Variants in ADAMTS20 observed in about 807,000 individuals in gnomAD.
ADAMTS20 encodes the protein ADAM metallopeptidase with thrombospondin type 1 motif 20.
ADAMTS20 carries 225 observed loss-of-function variants against 260.1 expected under a neutral mutation model. That is an observed-to-expected ratio of 0.87 (90% confidence interval 0.78 to 0.97). The LOEUF (loss-of-function observed/expected upper bound fraction) is 0.97. Ranked by LOEUF, ADAMTS20 falls within the 50% of genes least tolerant of loss-of-function variation. The pLI, the probability that ADAMTS20 is intolerant of heterozygous loss-of-function variation, is 0.00. For missense variants in ADAMTS20, 2,400 were observed against 2,337.7 expected (o/e 1.03, Z -0.55); for synonymous variants, 802 against 769.5 (o/e 1.04, Z -0.70).
At chr12:43,429,756 A>T (rs1592064152) in intron 23 of ADAMTS20, 32 bp from the exon 24 acceptor site, 4 of 1,366,194 alleles carry the variant, frequency 2.9e-6, no homozygotes, top group Admixed American at 2.4e-5. Flanking sequence ...CTCGTAAAAC[A>T]TTAATTAATG....
At chr12:43,514,007 A>T (rs559749029) in intron 3 of ADAMTS20, among the ~76,000 whole-genome samples, 1 of 150,246 alleles carries the variant, frequency 6.7e-6, no homozygotes, top group South Asian at 2.1e-4. Flanking sequence ...ACATGTATAC[A>T]TATGTAACTA....
intron 11 of ADAMTS20, among the ~76,000 whole-genome samples, chr12:43,459,091 T>C (rs535525479): frequency 5.3e-4 from 81 of 152,224 alleles, no homozygotes; most frequent in African/African-American, 1.9e-3. Flanking sequence ...GGGAGCTCTG[T>C]TTTCACTCTA....
Position 43,434,265 on chromosome 12 carries a change from G to A in ADAMTS20, c.2700C>T (p.Cys900=). ...LPLPSFVTQS[C]NTDCELRWHV... ...TTTACCTTAGTTCACAGTCTGTATT[G>A]CAACTTTGAGTAACAAATGATGGAA... Residue 900 remains cysteine, a synonymous_variant, in exon 19 of 39, where the codon TGC becomes TGT. Transcript: ENST00000389420. The A allele has an allele frequency of 2.5e-6, 4 of 1,584,804 alleles. No individual in the cohort carries two copies. Among genetic ancestry groups the A allele is most frequent in the Non-Finnish European group, 3.4e-6 (4 of 1,163,596 alleles).
chr12:43,435,641 T>TAAAAAAAAA (rs35112845), intron 18 of ADAMTS20, among the ~76,000 whole-genome samples: 2 of 84,666 alleles, frequency 2.4e-5, no homozygotes, highest in African/African-American at 4.7e-5. Context: ...ACTCCATTTC[T>TAAAAAAAAA]AAAAAAAAAA....
At chr12:43,360,748 T>A (rs1019875592) in intron 37 of ADAMTS20, among the ~76,000 whole-genome samples, 1 of 152,100 alleles carries the variant, frequency 6.6e-6, no homozygotes, top group South Asian at 2.1e-4. Context: ...ACAAGAGAGA[T>A]CACATGAACA....
chr12:43,475,190 C>G (rs1942330646), intron 7 of ADAMTS20, among the ~76,000 whole-genome samples: 1 of 63,618 alleles, frequency 1.6e-5, no homozygotes, highest in African/African-American at 5.5e-5. Context: ...TTCTTATACA[C>G]CAACAACAGA....
chr12:43,548,893 C>T (rs937649808), intron 2 of ADAMTS20, among the ~76,000 whole-genome samples: 1 of 151,968 alleles, frequency 6.6e-6, no homozygotes, highest in East Asian at 1.9e-4. Context: ...TCAACTACTT[C>T]TGATAATATC....
intron 8 of ADAMTS20, among the ~76,000 whole-genome samples, chr12:43,467,854 A>G (rs934540750): frequency 5.9e-5 from 9 of 152,158 alleles, no homozygotes; most frequent in Non-Finnish European, 1.2e-4. Context: ...AGGCATGACT[A>G]GGAAATTAAA....
chr12:43,544,744 T>C (rs1489008870), intron 2 of ADAMTS20, among the ~76,000 whole-genome samples: 1 of 152,234 alleles, frequency 6.6e-6, no homozygotes, highest in Non-Finnish European at 1.5e-5. Flanking sequence ...ATAATTACCT[T>C]TCTTGCCACT....
chr12:43,413,040 ACCT>A (rs1941063231), intron 28 of ADAMTS20, among the ~76,000 whole-genome samples: 1 of 151,958 alleles, frequency 6.6e-6, no homozygotes, highest in Admixed American at 6.5e-5. Context: ...CGATCTTCTG[ACCT>A]CGTGATCTGC....
At chr12:43,404,806 T>C (rs943108922) in intron 28 of ADAMTS20, among the ~76,000 whole-genome samples, 2 of 152,140 alleles carry the variant, frequency 1.3e-5, no homozygotes, top group African/African-American at 2.4e-5. Flanking sequence ...TAGTGACTAC[T>C]AAGATAAAGT....
In ADAMTS20 at chr12:43,452,156, T is replaced by A. The variant is rs554160219; in HGVS notation, c.2079+118A>T. On this transcript the variant is annotated intron_variant, in intron 14 of 38. Coordinates refer to ENST00000389420, the MANE Select transcript of ADAMTS20 (RefSeq NM_025003.5). ...TAGCATGATAACAAAGGTTGCTTTG[T>A]TGGAATGCATAAGAACATATGCTGA... is the stretch of plus-strand genomic sequence containing the variant. 7 of 1,092,008 alleles carry A rather than the reference T, an allele frequency of 6.4e-6. No homozygotes were observed. The African/African-American group carries it at 1.1e-4, about 17-fold the overall frequency. 67.6% of individuals were successfully genotyped at this position (1,092,008 alleles called of 1,614,324 possible).
At position 43,453,926 on chromosome 12, in the gene ADAMTS20, T is replaced by C. The variant is rs1012812730; in HGVS notation, c.1741A>G (p.Arg581Gly). Residue 581 changes from arginine to glycine, a missense_variant, in exon 12 of 39, where the codon AGG becomes GGG. By Grantham distance (125) the Arg-to-Gly change is moderately radical. Coordinates refer to ENST00000389420, the MANE Select transcript of ADAMTS20 (RefSeq NM_025003.5). ...TCGGGIESAT[R>G]RCNRPEPRNG... ...ACATACTCAGGACGATTACAGCGCC[T>C]GGTTGCACTTTCGATTCCGCCTCCA... 1.9e-6 allele frequency: 3 copies of C among 1,607,900 alleles called. No individual in the cohort carries two copies. The Admixed American group carries it at 5.1e-5, about 27-fold the overall frequency.
intron 37 of ADAMTS20, among the ~76,000 whole-genome samples, chr12:43,363,086 G>T (rs1939908616): frequency 6.6e-6 from 1 of 151,964 alleles, no homozygotes. Flanking sequence ...AGAACCTGTG[G>T]CATCTGAACC....
chr12:43,482,604 C>T (rs1432911365), intron 7 of ADAMTS20, among the ~76,000 whole-genome samples: 1 of 152,186 alleles, frequency 6.6e-6, no homozygotes, highest in Non-Finnish European at 1.5e-5. Flanking sequence ...CTGCTTCCCA[C>T]TGGGGCTGCT....
intron 28 of ADAMTS20, among the ~76,000 whole-genome samples, chr12:43,414,540 A>G (rs572157413): frequency 4.6e-5 from 7 of 152,282 alleles, no homozygotes; most frequent in African/African-American, 1.4e-4. Context: ...AAAAGTGGAC[A>G]AAAGACTTCC....
chr12:43,502,518 T>A, intron 3 of ADAMTS20, 113 bp from the exon 4 acceptor site: 1 of 964,344 alleles, frequency 1.0e-6, no homozygotes, highest in Non-Finnish European at 1.5e-6. Context: ...GTTCCCAACA[T>A]GAAAATAAAA....
chr12:43,523,616 A>G (rs1011967274), intron 3 of ADAMTS20, among the ~76,000 whole-genome samples: 2 of 152,066 alleles, frequency 1.3e-5, no homozygotes, highest in African/African-American at 4.8e-5. Flanking sequence ...TGACTTTGAG[A>G]TCTACCTTGC....
At chr12:43,545,897 C>A (rs897241122) in intron 2 of ADAMTS20, among the ~76,000 whole-genome samples, 1 of 152,110 alleles carries the variant, frequency 6.6e-6, no homozygotes, top group African/African-American at 2.4e-5. Flanking sequence ...GCATCTGTCT[C>A]TTGAAAGACC....
Sources: gnomAD v4.1 joint callset for allele counts (sites outside exome capture counted in the v4.1 genomes callset) on GRCh38, gnomAD v4.1.1 for gene constraint, MANE v1.5 for transcripts, NCBI Gene and HGNC (gene_info 2026-07-23, HGNC 2026-07-21) for gene names.